Variants in RHOBTB3 observed in about 807,000 individuals in gnomAD.
RHOBTB3 encodes the protein rho-related BTB domain-containing protein 3.
Under a neutral mutation model 67.2 loss-of-function variants are expected in RHOBTB3, and 47 were observed. The ratio of observed to expected loss-of-function variants is 0.70; its 90% CI spans 0.55 to 0.89. The LOEUF is 0.89. RHOBTB3 is among the 40% of genes least tolerant of loss of function. The probability of loss-of-function intolerance (pLI) is 0.00; values close to 1 mark genes in which losing one functional copy is unlikely to be tolerated. For synonymous variants in RHOBTB3, 273 were observed against 274.2 expected (o/e 1.00, Z 0.04); for missense variants, 631 against 750.0 (o/e 0.84, Z 1.85).
chr5:95,723,977 A>C (rs1754973640), intron 1 of RHOBTB3, among the ~76,000 whole-genome samples: 1 of 152,248 alleles, frequency 6.6e-6, no homozygotes, highest in African/African-American at 2.4e-5. Flanking sequence ...AATTTTTAAT[A>C]GATGAGATAA....
intron 7 of RHOBTB3, among the ~76,000 whole-genome samples, chr5:95,766,830 C>T (rs986594216): frequency 2.0e-5 from 3 of 152,186 alleles, no homozygotes; most frequent in East Asian, 1.9e-4. Flanking sequence ...GTCTCCGGAA[C>T]GCCAGATCAA....
chr5:95,731,118 A>T, upstream of RHOBTB3: 3 of 1,060,504 alleles, frequency 2.8e-6, no homozygotes, highest in Non-Finnish European at 3.4e-6. Flanking sequence ...GGGGCGTTGT[A>T]TTTATTAATT....
Position 95,793,327 on chromosome 5 carries a change from A to G in RHOBTB3, c.*153A>G. On this transcript the variant is annotated 3_prime_UTR_variant, in exon 12 of 12. Transcript: ENST00000379982. Reference sequence around the variant, plus strand: ...GTTTATTAGTTCTCTTTGGAAAAAAACTACCACTGTGGTCTTAAAAGGGAA... The same window carrying G: ...GTTTATTAGTTCTCTTTGGAAAAAAGCTACCACTGTGGTCTTAAAAGGGAA... 1 of 521,262 alleles carries G rather than the reference A, an allele frequency of 1.9e-6. No homozygotes were observed. Among genetic ancestry groups the G allele is most frequent in the Non-Finnish European group, 3.4e-6 (1 of 296,244 alleles). The allele number at this position is 521,262 out of a possible 1,614,324, so 32.3% of individuals were successfully genotyped here. A position where few individuals can be genotyped will look rare whatever the true frequency, so the allele number is the denominator to read the frequency against.
chr5:95,770,899 T>G (rs1324718351), intron 8 of RHOBTB3, among the ~76,000 whole-genome samples: 4 of 152,202 alleles, frequency 2.6e-5, no homozygotes, highest in Non-Finnish European at 1.5e-5. Flanking sequence ...CTGCTGTCAT[T>G]GTCCATGCCT....
chr5:95,775,662 AACAG>A (rs1472548615), intron 8 of RHOBTB3, among the ~76,000 whole-genome samples: 1 of 151,970 alleles, frequency 6.6e-6, no homozygotes, highest in East Asian at 1.9e-4. Flanking sequence ...CTAAATTATT[AACAG>A]ACAGCTAAAT....
At position 95,739,518 on chromosome 5, in the gene RHOBTB3, TA is replaced by T. The variant is rs554293175; in HGVS notation, c.415+2448del. ...AAGTGAAAGCACAACAAATTACAAC[TA>T]AAAAGTTGTCAAATACTACAGACAT... is the stretch of plus-strand genomic sequence containing the variant. On this transcript the variant is annotated intron_variant, in intron 3 of 11. Coordinates refer to ENST00000379982, the MANE Select transcript of RHOBTB3 (RefSeq NM_014899.4). 1.6e-4 allele frequency among the ~76,000 whole-genome samples: 24 copies of T among 152,320 alleles called. No individual in the cohort carries two copies. The East Asian group carries it at 4.4e-3, about 28-fold the overall frequency.
At chr5:95,738,338 C>T (rs192410260) in intron 3 of RHOBTB3, among the ~76,000 whole-genome samples, 2 of 152,296 alleles carry the variant, frequency 1.3e-5, no homozygotes, top group Admixed American at 1.3e-4. Flanking sequence ...CTTCAGTCCG[C>T]TACAGTCTGA....
chr5:95,790,067 G>A (rs907180005), intron 11 of RHOBTB3, among the ~76,000 whole-genome samples: 1 of 152,158 alleles, frequency 6.6e-6, no homozygotes, highest in Non-Finnish European at 1.5e-5. Flanking sequence ...CACACAATCC[G>A]TTTTTGGGAG....
chr5:95,744,662 A>G (rs1004021404), intron 3 of RHOBTB3, among the ~76,000 whole-genome samples: 4 of 152,140 alleles, frequency 2.6e-5, no homozygotes, highest in Admixed American at 6.5e-5. Flanking sequence ...TCGAGGACCT[A>G]TATTGGCTTC....
intron 8 of RHOBTB3, among the ~76,000 whole-genome samples, chr5:95,770,988 A>T (rs1745693906): frequency 6.6e-6 from 1 of 152,152 alleles, no homozygotes. Context: ...CCACGTACCC[A>T]TGTACTGCTT....
At chr5:95,788,140 C>T (rs545330044) in intron 10 of RHOBTB3, among the ~76,000 whole-genome samples, 1 of 152,358 alleles carries the variant, frequency 6.6e-6, no homozygotes, top group African/African-American at 2.4e-5. Flanking sequence ...ACTGGATGGG[C>T]ACCAAGGTGA....
At chr5:95,790,727 C>G (rs903586233) in intron 11 of RHOBTB3, among the ~76,000 whole-genome samples, 3 of 152,148 alleles carry the variant, frequency 2.0e-5, no homozygotes, top group African/African-American at 7.2e-5. Flanking sequence ...GAGGTGTCAT[C>G]CTCTTGGGCA....
At chr5:95,751,004 A>G (rs989075684) in intron 4 of RHOBTB3, among the ~76,000 whole-genome samples, 1 of 152,236 alleles carries the variant, frequency 6.6e-6, no homozygotes, top group Non-Finnish European at 1.5e-5. Flanking sequence ...TATCTTTTAT[A>G]TAACAGTTTG....
chr5:95,755,511 T>C lies in RHOBTB3; in HGVS notation c.798T>C (p.Val266=). 1.2e-6 allele frequency: 2 copies of C among 1,614,168 alleles called. No individual in the cohort carries two copies. Among genetic ancestry groups the C allele is most frequent in the South Asian group, 1.1e-5 (1 of 91,068 alleles). The change falls in exon 6 of 12, where the codon GTT becomes GTC. Residue 266 remains valine (V), a synonymous_variant. Transcript: ENST00000379982. ...TTTACAACCCCAATTTAAAGAAAGT[T>C]GTAGAGGCCCACAAGATCGTTCTCT... ...VVFYNPNLKK[V]VEAHKIVLCA...
At chr5:95,732,779 C>T (rs957931034) in intron 2 of RHOBTB3, 1 of 151,862 alleles carries the variant, frequency 6.6e-6, no homozygotes, top group Non-Finnish European at 1.5e-5. Flanking sequence ...AATTATAGTC[C>T]GATTCTTGAG....
At chr5:95,733,877 G>A (rs895021612) in intron 2 of RHOBTB3, among the ~76,000 whole-genome samples, 2 of 152,194 alleles carry the variant, frequency 1.3e-5, no homozygotes, top group African/African-American at 4.8e-5. Context: ...AGAGCAGATA[G>A]AGCATAGCCT....
upstream of RHOBTB3, chr5:95,731,088 C>T (rs1256981833): frequency 1.8e-6 from 2 of 1,089,876 alleles, no homozygotes; most frequent in Non-Finnish European, 2.3e-6. Flanking sequence ...GGCGGATTGG[C>T]GGCTGGGAGC....
chr5:95,761,755 A>G (rs920600189), intron 6 of RHOBTB3, among the ~76,000 whole-genome samples: 3 of 152,226 alleles, frequency 2.0e-5, no homozygotes, highest in South Asian at 2.1e-4. Flanking sequence ...TTTATAATAC[A>G]CAGGTATGGT....
intron 8 of RHOBTB3, among the ~76,000 whole-genome samples, chr5:95,775,082 T>C (rs1359608876): frequency 6.6e-6 from 1 of 152,164 alleles, no homozygotes; most frequent in Non-Finnish European, 1.5e-5. Flanking sequence ...AAACACCTGG[T>C]TAGTGCACCT....
Sources: allele counts gnomAD v4.1 joint callset (sites outside exome capture counted in the v4.1 genomes callset), GRCh38; gene constraint gnomAD v4.1.1; transcripts MANE v1.5; gene names NCBI Gene and HGNC (gene_info 2026-07-23, HGNC 2026-07-21).